RRM2: variants seen among roughly 807,000 people sequenced by gnomAD.
RRM2 encodes the protein ribonucleoside-diphosphate reductase subunit M2.
In RRM2, 6 loss-of-function variants were observed where a neutral mutation model predicts 45.9. The observed-to-expected ratio is 0.13, with a 90% CI of 0.07 to 0.26. The LOEUF (loss-of-function observed/expected upper bound fraction) is 0.26, where lower values mean the gene tolerates loss of function less well. RRM2 is among the 10% of genes least tolerant of loss of function. RRM2 has a pLI of 1.00. For missense variants in RRM2, 343 were observed against 489.5 expected, an observed-to-expected ratio of 0.70 and a Z score of 2.82; for synonymous variants, 177 against 173.0, an observed-to-expected ratio of 1.02 and a Z score of -0.18.
At chr2:10,176,222 C>T (rs561594270) in intron 3 of RRM2, among the ~76,000 whole-genome samples, 2 of 152,144 alleles carry the variant, frequency 1.3e-5, no homozygotes. Context: ...TTTTTTTGGG[C>T]ATATACCCAG....
chr2:10,209,879 T>C (rs936180437), intron 3 of RRM2, among the ~76,000 whole-genome samples: 1 of 152,230 alleles, frequency 6.6e-6, no homozygotes, highest in African/African-American at 2.4e-5. Context: ...GCTGGTGTTG[T>C]TGGCTGCCAT....
chr2:10,197,741 C>T (rs755315699), intron 3 of RRM2, among the ~76,000 whole-genome samples: 7 of 152,204 alleles, frequency 4.6e-5, no homozygotes, highest in Non-Finnish European at 1.0e-4. Flanking sequence ...CTAATATTCA[C>T]TCCCATGCAG....
In RRM2 at chr2:10,123,725, C is replaced by A. The variant is rs754666634; in HGVS notation, c.319-11C>A. The stretch of plus-strand genomic sequence containing the variant: ...TCCTTTTATGCTAAAATTGTGACTT[C>A]CGAACCTCAGGTGGACCTCTCCAAG... On this transcript the variant is annotated splice_polypyrimidine_tract_variant and intron_variant, in intron 3 of 9. Coordinates refer to ENST00000304567, the MANE Select transcript of RRM2 (RefSeq NM_001034.4). The A allele has an allele frequency of 1.9e-6, 3 of 1,547,490 alleles. No homozygotes were observed. Among genetic ancestry groups the A allele is most frequent in the Admixed American group, 3.4e-5 (2 of 59,004 alleles).
chr2:10,156,112 C>T (rs1200036832), intron 3 of RRM2: 1 of 152,250 alleles, frequency 6.6e-6, no homozygotes, highest in African/African-American at 2.4e-5. Context: ...GCTCTCAGAG[C>T]TCACTTTTCA....
Position 10,122,739 on chromosome 2 carries a change from G to T in RRM2, c.-60G>T, listed in dbSNP as rs1184476426. The T allele has an allele frequency of 1.3e-6, 2 of 1,553,414 alleles. No individual in the cohort carries two copies. The highest frequency in any genetic ancestry group is 1.7e-6 in the Non-Finnish European group (2 of 1,148,412). Reference sequence around the variant, plus strand: ...AGGCTGCTGGAGTGAGGGGTCGCCCGTGCACCCTGTCCCAGCCGTCCTGTC... The same window carrying T: ...AGGCTGCTGGAGTGAGGGGTCGCCCTTGCACCCTGTCCCAGCCGTCCTGTC... On this transcript the variant is annotated 5_prime_UTR_variant, in exon 1 of 10. Transcript: ENST00000304567.
At chr2:10,142,407 G>T in intron 3 of RRM2, 1 of 1,368,290 alleles carries the variant, frequency 7.3e-7, no homozygotes, top group Non-Finnish European at 9.8e-7. Context: ...CACGGTGGGG[G>T]AAGAGGGGCC....
upstream of RRM2, among the ~76,000 whole-genome samples, chr2:10,140,395 A>C (rs1188577412): frequency 6.6e-6 from 1 of 152,230 alleles, no homozygotes; most frequent in Non-Finnish European, 1.5e-5. Context: ...TTCACCATGG[A>C]TAAGAGACTG....
In RRM2 at chr2:10,128,835, CT is replaced by C. The variant is rs767482697; in HGVS notation, c.799-5del. The C allele has an allele frequency of 1.9e-6, 3 of 1,601,886 alleles. No homozygotes were observed. Among genetic ancestry groups the C allele is most frequent in the South Asian group, 1.1e-5 (1 of 90,628 alleles). On this transcript the variant is annotated splice_polypyrimidine_tract_variant and intron_variant, in intron 7 of 9. Coordinates refer to ENST00000304567, the MANE Select transcript of RRM2 (RefSeq NM_001034.4). ...GTCTTCTGGCTTTAGTGATCTTGAA[CT>C]TTTTTTTCTAGGGTTTACACTGTGA... is the stretch of plus-strand genomic sequence containing the variant.
intron 3 of RRM2, among the ~76,000 whole-genome samples, chr2:10,200,134 T>C (rs1664516415): frequency 6.6e-6 from 1 of 152,152 alleles, no homozygotes. Flanking sequence ...CACCCAGCTG[T>C]GGCCAGATTA....
chr2:10,191,707 G>A (rs1664311201), intron 3 of RRM2, among the ~76,000 whole-genome samples: 2 of 152,148 alleles, frequency 1.3e-5, no homozygotes, highest in South Asian at 4.1e-4. Context: ...CAGCCCTCCT[G>A]ACCAGGCTAA....
rs1015164551 is a variant in RRM2 at position 10,185,957 on chromosome 2, A to G, written n.483-24354A>G. On this transcript the variant is annotated intron_variant and non_coding_transcript_variant, in intron 3 of 3. Coordinates refer to the RRM2 transcript ENST00000381786. The surrounding 1 kb of genome is among the most constrained non-coding windows in gnomAD (Gnocchi z 4.3). ...TAGCTGAAGCAGTAGGCTGCTGGAC[A>G]GAGGCAGGTCCAGCATACTTTGAAT... Among the ~76,000 whole-genome samples the G allele has an allele frequency of 2.0e-5, 3 of 152,268 alleles. No homozygotes were observed. Among genetic ancestry groups the G allele is most frequent in the Non-Finnish European group, 4.4e-5 (3 of 68,050 alleles).
chr2:10,189,182 A>C (rs2125328173), intron 3 of RRM2, among the ~76,000 whole-genome samples: 1 of 152,358 alleles, frequency 6.6e-6, no homozygotes, highest in East Asian at 1.9e-4. Context: ...CTGGCCGAGG[A>C]GGTGCTCACA....
In RRM2 at chr2:10,128,830, T is replaced by C; in HGVS notation, c.799-18T>C. The C allele has an allele frequency of 6.3e-7, 1 of 1,592,390 alleles. No individual in the cohort carries two copies. The highest frequency in any genetic ancestry group is 8.6e-7 in the Non-Finnish European group (1 of 1,160,504). ...CAGAAGTCTTCTGGCTTTAGTGATC[T>C]TGAACTTTTTTTTCTAGGGTTTACA... On this transcript the variant is annotated intron_variant, in intron 7 of 9. Coordinates refer to ENST00000304567, the MANE Select transcript of RRM2 (RefSeq NM_001034.4).
At chr2:10,142,286 C>A (rs1663099715) in exon 3 of RRM2, 1 of 1,425,374 alleles carries the variant, frequency 7.0e-7, no homozygotes, top group South Asian at 1.1e-5. Context: ...TCTGACCAGC[C>A]TTACGTCTTG....
chr2:10,179,522 C>G (rs1401362939), intron 3 of RRM2, among the ~76,000 whole-genome samples: 1 of 152,176 alleles, frequency 6.6e-6, no homozygotes, highest in African/African-American at 2.4e-5. Flanking sequence ...GCTATGGAGA[C>G]TAGTGTATAG....
At position 10,130,631 on chromosome 2, in the gene RRM2, T is replaced by G. The variant is rs1052524331; in HGVS notation, c.*1245T>G. ...ATATTAATTTCAGAATGAAACATAA[T>G]TTTTTTTTTTTTTTTTGAGATGGAG... On this transcript the variant is annotated 3_prime_UTR_variant, in exon 10 of 10. Coordinates refer to ENST00000304567, the MANE Select transcript of RRM2 (RefSeq NM_001034.4). 2.7e-5 allele frequency: 2 copies of G among 74,434 alleles called. No individual in the cohort carries two copies. The highest frequency in any genetic ancestry group is 5.8e-5 in the Non-Finnish European group (2 of 34,512). 4.6% of individuals were successfully genotyped at this position (74,434 alleles called of 1,614,324 possible). A position where few individuals can be genotyped will look rare whatever the true frequency, so the allele number is the denominator to read the frequency against.
chr2:10,123,696 C>A (rs1455058998), intron 3 of RRM2, 40 bp from the exon 4 acceptor site: 2 of 1,438,884 alleles, frequency 1.4e-6, no homozygotes, highest in Admixed American at 1.7e-5. Context: ...AGGCTTTACT[C>A]TCTTCCTTTT....
At chr2:10,123,269 C>T in intron 2 of RRM2, 118 bp from the exon 3 acceptor site, 1 of 1,362,736 alleles carries the variant, frequency 7.3e-7, no homozygotes, top group South Asian at 1.4e-5. Flanking sequence ...GACGGGACAG[C>T]CACGTTTTCA....
intron 3 of RRM2, among the ~76,000 whole-genome samples, chr2:10,157,811 C>T (rs561794809): frequency 1.3e-5 from 2 of 152,296 alleles, no homozygotes; most frequent in Admixed American, 6.5e-5. Flanking sequence ...GCTCCTTGCT[C>T]TGCAAACCAA....
Sources: gnomAD v4.1 joint callset for allele counts (sites outside exome capture counted in the v4.1 genomes callset) on GRCh38, gnomAD v4.1.1 for gene constraint, Gnocchi (gnomAD v3.1) non-coding constraint, MANE v1.5 for transcripts, NCBI Gene and HGNC (gene_info 2026-07-23, HGNC 2026-07-21) for gene names.